The following CCDC149 variants were observed in gnomAD, a reference collection of about 807,000 sequenced individuals.
The protein encoded by CCDC149 is coiled-coil domain-containing protein 149.
In CCDC149, 45 loss-of-function variants were observed where a neutral mutation model predicts 59.9. That is an observed-to-expected ratio of 0.75 (90% CI 0.59 to 0.96). The LOEUF (loss-of-function observed/expected upper bound fraction) is 0.96. CCDC149 is among the 40% of genes least tolerant of loss of function. The pLI, the probability that CCDC149 is intolerant of heterozygous loss-of-function variation, is 0.00. For synonymous variants in CCDC149, 245 were observed against 260.6 expected, an observed-to-expected ratio of 0.94 and a Z score of 0.58; for missense variants, 584 against 664.7, an observed-to-expected ratio of 0.88 and a Z score of 1.33.
rs371344940 is a variant in CCDC149 at position 24,835,066 on chromosome 4, C to T, written c.736-34G>A. ...GGATTGGGAGAGAATAAAAACCCGT[C>T]AGAAAAGCCAACAATGGAAAAGTAC... On this transcript the variant is annotated intron_variant, in intron 7 of 12. Coordinates refer to ENST00000635206, the MANE Select transcript of CCDC149 (RefSeq NM_001330643.2). The T allele has an allele frequency of 3.3e-6, 5 of 1,520,680 alleles. No individual in the cohort carries two copies. The South Asian group carries it at 3.4e-5, about 10-fold the overall frequency. 94.2% of individuals were successfully genotyped at this position (1,520,680 alleles called of 1,614,324 possible). A position where few individuals can be genotyped will look rare whatever the true frequency, so the allele number is the denominator to read the frequency against.
chr4:24,838,150 G>T lies in CCDC149; in HGVS notation c.489+6C>A, dbSNP rs1469964223. On this transcript the variant is annotated splice_donor_region_variant and intron_variant, in intron 5 of 12. Transcript: ENST00000635206. ...TCCCCCACTCTGAATAGATGTTAGT[G>T]AGAACCTGTTCCTTAGCTCGCTCTA... 1.2e-6 allele frequency: 2 copies of T among 1,605,760 alleles called. No individual in the cohort carries two copies. The highest frequency in any genetic ancestry group is 2.2e-5 in the South Asian group (2 of 90,918).
At chr4:24,883,414 C>A (rs565955889) in intron 1 of CCDC149, among the ~76,000 whole-genome samples, 1 of 53,010 alleles carries the variant, frequency 1.9e-5, no homozygotes, top group South Asian at 4.9e-4. Context: ...TGGACACTTA[C>A]CCATTCATTC....
intron 1 of CCDC149, among the ~76,000 whole-genome samples, chr4:24,908,246 GT>G (rs1307256327): frequency 6.6e-6 from 1 of 152,120 alleles, no homozygotes; most frequent in African/African-American, 2.4e-5. Flanking sequence ...TTTGGTTTGG[GT>G]TTTTGATCTT....
intron 1 of CCDC149, among the ~76,000 whole-genome samples, chr4:24,924,830 G>A (rs751396739): frequency 2.0e-5 from 3 of 152,184 alleles, no homozygotes; most frequent in Admixed American, 6.5e-5. Flanking sequence ...GAGTATGGAT[G>A]AGTATCAAGG....
chr4:24,911,306 C>T (rs764267870), intron 1 of CCDC149, among the ~76,000 whole-genome samples: 15 of 152,174 alleles, frequency 9.9e-5, no homozygotes, highest in South Asian at 8.3e-4. Context: ...TCACTGTCTA[C>T]GGTATGACCT....
At chr4:24,839,059 CACAGAGAGAGAG>C (rs1267587698) in intron 4 of CCDC149, among the ~76,000 whole-genome samples, 32 of 118,890 alleles carry the variant, frequency 2.7e-4, no homozygotes, top group African/African-American at 1.1e-3. Context: ...CACACACACA[CACAGAGAGAGAG>C]AGAGAAAGAG....
intron 1 of CCDC149, among the ~76,000 whole-genome samples, chr4:24,921,534 T>C (rs1369348539): frequency 6.6e-6 from 1 of 152,222 alleles, no homozygotes; most frequent in East Asian, 1.9e-4. Context: ...CTTAAAGAGG[T>C]AGGCAAAGCC....
intron 1 of CCDC149, among the ~76,000 whole-genome samples, chr4:24,896,905 T>C (rs944999511): frequency 2.0e-5 from 3 of 152,188 alleles, no homozygotes; most frequent in African/African-American, 7.2e-5. Context: ...AGTTTTTCAA[T>C]TTAAGTATTA....
chr4:24,945,142 T>A (rs1577498934), intron 1 of CCDC149, among the ~76,000 whole-genome samples: 1 of 152,120 alleles, frequency 6.6e-6, no homozygotes, highest in Non-Finnish European at 1.5e-5. Context: ...ACCCAGTAGG[T>A]CTAGGGTGGG....
chr4:24,916,216 G>A (rs1527357), upstream of CCDC149, among the ~76,000 whole-genome samples: 1,237 of 152,180 alleles, frequency 8.1e-3, 24 homozygotes, highest in African/African-American at 0.028. Flanking sequence ...TCATAGCCCC[G>A]GGACCAGTTT....
At chr4:24,883,930 T>C (rs917804050) in intron 1 of CCDC149, among the ~76,000 whole-genome samples, 13 of 152,184 alleles carry the variant, frequency 8.5e-5, no homozygotes, top group African/African-American at 3.1e-4. Flanking sequence ...ACATTCCAGG[T>C]TCTTTTTACT....
intron 1 of CCDC149, among the ~76,000 whole-genome samples, chr4:24,901,438 C>G (rs1560246289): frequency 6.6e-6 from 1 of 152,204 alleles, no homozygotes; most frequent in Non-Finnish European, 1.5e-5. Flanking sequence ...GTATTTTATT[C>G]AACGTGAAAC....
intron 1 of CCDC149, among the ~76,000 whole-genome samples, chr4:24,893,317 T>C (rs1353448690): frequency 7.9e-5 from 12 of 152,204 alleles, no homozygotes; most frequent in African/African-American, 2.2e-4. Context: ...TCCAAATGTA[T>C]TGCACTTCAG....
At chr4:24,848,029 T>C (rs148334389) in intron 4 of CCDC149, among the ~76,000 whole-genome samples, 31 of 152,242 alleles carry the variant, frequency 2.0e-4, no homozygotes, top group African/African-American at 7.0e-4. Context: ...GGTCTGGAAA[T>C]ATTAAATGGA....
At chr4:24,841,313 C>T (rs938395030) in intron 4 of CCDC149, among the ~76,000 whole-genome samples, 8 of 152,110 alleles carry the variant, frequency 5.3e-5, no homozygotes, top group Non-Finnish European at 8.8e-5. Context: ...CTTCACTGAG[C>T]ACTTAATTTA....
At chr4:24,975,461 G>A (rs1053233927) in intron 1 of CCDC149, among the ~76,000 whole-genome samples, 5 of 133,106 alleles carry the variant, frequency 3.8e-5, no homozygotes, top group Non-Finnish European at 6.5e-5. Context: ...GGAGAGGGAG[G>A]GGAGGGGAAG....
At chr4:24,943,979 G>A (rs1048021943) in intron 1 of CCDC149, among the ~76,000 whole-genome samples, 4 of 152,172 alleles carry the variant, frequency 2.6e-5, no homozygotes, top group African/African-American at 9.7e-5. Context: ...AACCATTGTG[G>A]AAGTCAGTGT....
chr4:24,885,944 G>A (rs746692825), intron 1 of CCDC149, among the ~76,000 whole-genome samples: 21 of 152,162 alleles, frequency 1.4e-4, no homozygotes, highest in Non-Finnish European at 2.6e-4. Context: ...ACTATCTAGT[G>A]AGCATTACTA....
chr4:24,855,576 A>AAG (rs1409125273), intron 3 of CCDC149, among the ~76,000 whole-genome samples: 3 of 148,950 alleles, frequency 2.0e-5, no homozygotes, highest in Non-Finnish European at 3.0e-5. Flanking sequence ...CTCTGTCTCA[A>AAG]AAAAAAAAAA....
Sources: gnomAD v4.1 joint callset for allele counts (sites outside exome capture counted in the v4.1 genomes callset) on GRCh38, gnomAD v4.1.1 for gene constraint, MANE v1.5 for transcripts, NCBI Gene and HGNC (gene_info 2026-07-23, HGNC 2026-07-21) for gene names.